Variants in TRPM6 observed in about 807,000 individuals in gnomAD.
The protein encoded by TRPM6 is transient receptor potential cation channel subfamily M member 6.
TRPM6 carries 111 observed loss-of-function variants against 247.6 expected under a neutral mutation model. The observed-to-expected ratio is 0.45, with a 90% confidence interval of 0.38 to 0.52. TRPM6 has a LOEUF of 0.52. Among genes scored for constraint, TRPM6 ranks in the 20% least tolerant of loss-of-function variants. The probability of loss-of-function intolerance (pLI) is 0.00; values close to 1 mark genes in which losing one functional copy is unlikely to be tolerated. For missense variants in TRPM6, 2,126 were observed against 2,421.5 expected, an observed-to-expected ratio of 0.88 and a Z score of 2.56; for synonymous variants, 892 against 853.8, an observed-to-expected ratio of 1.04 and a Z score of -0.78.
In TRPM6 at chr9:74,834,192, C is replaced by A. The variant is rs114990953; in HGVS notation, c.545-70G>T. Reference sequence around the variant, plus strand: ...TGCAAAACAAAGAGACTGCCAGAAACAGACAAATAAATAGGCAAGCATATG... The same window carrying A: ...TGCAAAACAAAGAGACTGCCAGAAAAAGACAAATAAATAGGCAAGCATATG... On this transcript the variant is annotated intron_variant, in intron 5 of 38. Coordinates refer to ENST00000360774, the MANE Select transcript of TRPM6 (RefSeq NM_017662.5). 6.5e-4 allele frequency: 1,043 copies of A among 1,593,434 alleles called. 7 individuals carry two copies. In the African/African-American group the frequency reaches 0.012, roughly 18 times the overall value.
intron 38 of TRPM6, 103 bp downstream of exon 38, chr9:74,728,136 T>A (rs1825395156): frequency 4.3e-6 from 4 of 921,042 alleles, no homozygotes; most frequent in African/African-American, 1.6e-5. Context: ...TGACGGTGAA[T>A]GAGATAAAAA....
chr9:74,743,532 G>C (rs1188283312), intron 32 of TRPM6, among the ~76,000 whole-genome samples: 1 of 152,210 alleles, frequency 6.6e-6, no homozygotes, highest in Admixed American at 6.5e-5. Context: ...CCCTTTGGCA[G>C]ACTGTTCCTC....
chr9:74,737,663 A>T (rs1825738641), intron 36 of TRPM6, among the ~76,000 whole-genome samples: 1 of 152,210 alleles, frequency 6.6e-6, no homozygotes, highest in Non-Finnish European at 1.5e-5. Context: ...TCTGGGCCCA[A>T]ATTCCTATAA....
intron 18 of TRPM6, 69 bp from the exon 19 acceptor site, chr9:74,792,839 CA>C: frequency 7.3e-7 from 1 of 1,376,906 alleles, no homozygotes; most frequent in South Asian, 1.2e-5. Flanking sequence ...CATGAACATC[CA>C]AAAAATATCA....
chr9:74,824,494 T>C (rs1308254908), intron 7 of TRPM6, among the ~76,000 whole-genome samples: 2 of 73,830 alleles, frequency 2.7e-5, no homozygotes, highest in Non-Finnish European at 5.7e-5. Context: ...AAATCAAATA[T>C]ATTTATGGCT....
intron 20 of TRPM6, among the ~76,000 whole-genome samples, chr9:74,786,658 T>G (rs543895751): frequency 6.6e-6 from 1 of 152,144 alleles, no homozygotes; most frequent in Admixed American, 6.5e-5. Context: ...GAGAATGGCA[T>G]GAACCCGGGA....
At chr9:74,767,184 A>G (rs1826857297) in intron 25 of TRPM6, among the ~76,000 whole-genome samples, 1 of 152,208 alleles carries the variant, frequency 6.6e-6, no homozygotes, top group African/African-American at 2.4e-5. Context: ...TGCTTAAGCT[A>G]TAACTGTACT....
At chr9:74,850,214 A>C (rs990636271) in intron 3 of TRPM6, among the ~76,000 whole-genome samples, 1 of 151,764 alleles carries the variant, frequency 6.6e-6, no homozygotes, top group Non-Finnish European at 1.5e-5. Flanking sequence ...TCTACTAAAA[A>C]TACAAAAATC....
chr9:74,807,177 A>C (rs558388369), intron 14 of TRPM6, among the ~76,000 whole-genome samples: 30 of 152,144 alleles, frequency 2.0e-4, no homozygotes, highest in Non-Finnish European at 4.3e-4. Flanking sequence ...GATTCTTTAT[A>C]AAGGATCCCA....
chr9:74,795,630 C>A (rs1828069019), intron 18 of TRPM6, among the ~76,000 whole-genome samples: 1 of 152,160 alleles, frequency 6.6e-6, no homozygotes, highest in African/African-American at 2.4e-5. Flanking sequence ...TGTCACTAAC[C>A]CCTAATCCTT....
chr9:74,797,388 C>G (rs905231772), intron 17 of TRPM6, among the ~76,000 whole-genome samples: 115 of 152,200 alleles, frequency 7.6e-4, no homozygotes, highest in African/African-American at 2.7e-3. Context: ...AAGTCCCTGA[C>G]ATCAAATGGT....
chr9:74,785,564 T>C (rs973599691), intron 21 of TRPM6, among the ~76,000 whole-genome samples: 3 of 151,984 alleles, frequency 2.0e-5, no homozygotes, highest in Non-Finnish European at 4.4e-5. Context: ...GCTCTGTCGC[T>C]CAAGCTGGAG....
Position 74,803,823 on chromosome 9 carries a change from T to G in TRPM6, c.1702A>C (p.Ile568Leu). 2 of 1,612,486 alleles carry G rather than the reference T, an allele frequency of 1.2e-6. No individual in the cohort carries two copies. Among genetic ancestry groups the G allele is most frequent in the South Asian group, 1.1e-5 (1 of 91,048 alleles). The change falls in exon 15 of 39, where the codon ATT (isoleucine) becomes CTT (leucine). Residue 568 changes from isoleucine (I) to leucine (L), a missense_variant. Physicochemically the swap from Ile to Leu is conservative, Grantham distance 5. Transcript: ENST00000360774. ...SAESTLHSQF[I>L]RTAQPYKFKE... ...AATTTGTATGGCTGTGCAGTTCTAA[T>G]GAACTGGGAGTGCAGCGTACTTTCT...
chr9:74,804,670 T>A (rs1227384379), intron 14 of TRPM6: 3 of 756,260 alleles, frequency 4.0e-6, no homozygotes, highest in Non-Finnish European at 4.8e-6. Context: ...ATTCAGCAGT[T>A]CCCTACTGAA....
chr9:74,724,461 C>G lies in TRPM6; in HGVS notation c.*152G>C. On this transcript the variant is annotated 3_prime_UTR_variant, in exon 39 of 39. Coordinates refer to ENST00000360774, the MANE Select transcript of TRPM6 (RefSeq NM_017662.5). The stretch of plus-strand genomic sequence containing the variant: ...TCTAGGAGAACCCATTGATCATATA[C>G]CAATGAGGCCTTTGAACAGAAGGAG... The G allele has an allele frequency of 9.2e-7, 1 of 1,087,492 alleles. No individual in the cohort carries two copies. Among genetic ancestry groups the G allele is most frequent in the Non-Finnish European group, 1.4e-6 (1 of 723,470 alleles). The allele number at this position is 1,087,492 out of a possible 1,614,324, so 67.4% of individuals were successfully genotyped here.
chr9:74,838,618 A>G (rs770240682), intron 5 of TRPM6, among the ~76,000 whole-genome samples: 4 of 152,232 alleles, frequency 2.6e-5, no homozygotes, highest in Non-Finnish European at 5.9e-5. Flanking sequence ...AAATACCAAC[A>G]TTCTGCAAGT....
At chr9:74,886,006 C>A (rs1831517643) in intron 1 of TRPM6, among the ~76,000 whole-genome samples, 1 of 152,172 alleles carries the variant, frequency 6.6e-6, no homozygotes, top group African/African-American at 2.4e-5. Context: ...ATAGTTTTGG[C>A]ATAGATGTCC....
chr9:74,806,902 T>G (rs1055383726), intron 14 of TRPM6, among the ~76,000 whole-genome samples: 6 of 152,220 alleles, frequency 3.9e-5, no homozygotes, highest in African/African-American at 1.4e-4. Context: ...GACTTCGTAC[T>G]GGCAGGCCAT....
At chr9:74,742,008 A>G (rs985643742) in intron 33 of TRPM6, among the ~76,000 whole-genome samples, 2 of 152,200 alleles carry the variant, frequency 1.3e-5, no homozygotes, top group Non-Finnish European at 2.9e-5. Flanking sequence ...GACCCTTGCT[A>G]TATTGTCAAC....
Sources: allele counts gnomAD v4.1 joint callset (sites outside exome capture counted in the v4.1 genomes callset), GRCh38; gene constraint gnomAD v4.1.1; transcripts MANE v1.5; gene names NCBI Gene and HGNC (gene_info 2026-07-23, HGNC 2026-07-21).